Variants in LIMCH1 observed in about 807,000 individuals in gnomAD.
LIMCH1 encodes LIM and calponin homology domains-containing protein 1.
Under a neutral mutation model 176.5 loss-of-function variants are expected in LIMCH1, and 113 were observed. That is an observed-to-expected ratio of 0.64 (90% confidence interval 0.55 to 0.75). The LOEUF (loss-of-function observed/expected upper bound fraction) is 0.75, where lower values mean the gene tolerates loss of function less well. Among genes scored for constraint, LIMCH1 ranks in the 30% least tolerant of loss-of-function variants. The pLI is 0.00. For missense variants in LIMCH1, 1,674 were observed against 1,814.9 expected (o/e 0.92, Z 1.41); for synonymous variants, 619 against 645.9 (o/e 0.96, Z 0.63).
chr4:41,521,061 A>G (rs1175982988), intron 2 of LIMCH1, among the ~76,000 whole-genome samples: 2 of 151,462 alleles, frequency 1.3e-5, no homozygotes, highest in Non-Finnish European at 2.9e-5. Flanking sequence ...ACCAACAGAC[A>G]CTCTCTTCCA....
intron 1 of LIMCH1, among the ~76,000 whole-genome samples, chr4:41,544,313 G>A (rs1239984640): frequency 2.0e-5 from 3 of 152,220 alleles, no homozygotes; most frequent in Non-Finnish European, 4.4e-5. Context: ...TTCACTCTCT[G>A]TGTGTGGGTA....
chr4:41,655,185 G>A (rs557715573), intron 18 of LIMCH1, among the ~76,000 whole-genome samples: 14 of 152,020 alleles, frequency 9.2e-5, no homozygotes, highest in African/African-American at 2.7e-4. Flanking sequence ...GACCCTTTTC[G>A]AAAATAACCA....
chr4:41,540,550 C>G (rs1431838681), intron 1 of LIMCH1, among the ~76,000 whole-genome samples: 2 of 152,054 alleles, frequency 1.3e-5, no homozygotes, highest in African/African-American at 4.8e-5. Context: ...ACCAGCCTGG[C>G]CAACGTGGCG....
intron 1 of LIMCH1, among the ~76,000 whole-genome samples, chr4:41,579,159 A>G (rs1331046726): frequency 6.6e-6 from 1 of 151,854 alleles, no homozygotes; most frequent in Non-Finnish European, 1.5e-5. Context: ...TCAGAATAAG[A>G]GCTGTTATAG....
chr4:41,375,759 C>T (rs2054668275), intron 1 of LIMCH1, among the ~76,000 whole-genome samples: 1 of 152,202 alleles, frequency 6.6e-6, no homozygotes, highest in Admixed American at 6.5e-5. Flanking sequence ...CTGAGTGACC[C>T]AGATTGGCAC....
At chr4:41,538,386 A>AGGG (rs750208605) in intron 1 of LIMCH1, 36 bp downstream of exon 1, 52 of 971,016 alleles carry the variant, frequency 5.4e-5, no homozygotes, top group Non-Finnish European at 6.2e-5. Flanking sequence ...ATACATGCTT[A>AGGG]GGGGTATCCA....
intron 14 of LIMCH1, among the ~76,000 whole-genome samples, chr4:41,644,020 C>T (rs556814346): frequency 6.6e-6 from 1 of 152,270 alleles, no homozygotes; most frequent in South Asian, 2.1e-4. Flanking sequence ...ACATAGGAAG[C>T]CTTTAAGCCA....
intron 2 of LIMCH1, among the ~76,000 whole-genome samples, chr4:41,500,649 G>T (rs138529685): frequency 2.1e-4 from 32 of 152,164 alleles, no homozygotes; most frequent in East Asian, 1.5e-3. Flanking sequence ...TTCACCTTTG[G>T]CAAGGTCAGA....
intron 1 of LIMCH1, among the ~76,000 whole-genome samples, chr4:41,479,326 C>G (rs943237524): frequency 6.6e-6 from 1 of 152,186 alleles, no homozygotes; most frequent in African/African-American, 2.4e-5. Context: ...GATCACAGCT[C>G]ACTGCAGCCT....
At chr4:41,609,791 T>C (rs2091213216) in intron 4 of LIMCH1, 2 of 375,016 alleles carry the variant, frequency 5.3e-6, no homozygotes, top group Admixed American at 6.2e-5. Flanking sequence ...CAATGTTAAT[T>C]AGAGCCCAAG....
chr4:41,481,250 T>C (rs115426560), intron 1 of LIMCH1, among the ~76,000 whole-genome samples: 1,773 of 152,262 alleles, frequency 0.012, 34 homozygotes, highest in African/African-American at 0.041. Flanking sequence ...TGAATAGATA[T>C]AGGGAACTAT....
chr4:41,541,614 A>G (rs997263685), intron 1 of LIMCH1, among the ~76,000 whole-genome samples: 8 of 152,192 alleles, frequency 5.3e-5, no homozygotes, highest in African/African-American at 1.9e-4. Context: ...CTGGTAAATC[A>G]CCAATGTGAA....
chr4:41,507,347 G>A (rs2074307995), intron 2 of LIMCH1, among the ~76,000 whole-genome samples: 1 of 152,136 alleles, frequency 6.6e-6, no homozygotes, highest in Non-Finnish European at 1.5e-5. Context: ...CCTTCCTGGA[G>A]GATGGGAGTG....
intron 9 of LIMCH1, 22 bp downstream of exon 9, chr4:41,629,756 G>C (rs775522807): frequency 5.9e-6 from 9 of 1,522,222 alleles, no homozygotes; most frequent in African/African-American, 1.4e-5. Flanking sequence ...TTCCCCCCCA[G>C]TTTCCCCCTG....
rs1230781642 is a variant in LIMCH1 at position 41,419,584 on chromosome 4, T to TTCC, written c.96+58650_96+58652dup. The stretch of plus-strand genomic sequence containing the variant: ...TCCCCTTCCTTCCTTCCTTCCTTCC[T>TTCC]TCCTTCCTTCCTTCCTTCCGTCCTT... On this transcript the variant is annotated intron_variant, in intron 1 of 26. Coordinates refer to the LIMCH1 transcript ENST00000313860. Among the ~76,000 whole-genome samples, 14 of 89,642 alleles carry TTCC rather than the reference T, an allele frequency of 1.6e-4. 1 individual carries two copies. The highest frequency in any genetic ancestry group is 9.5e-4 in the African/African-American group (13 of 13,736). The allele number at this position is 89,642 out of a possible 152,430, so 58.8% of individuals were successfully genotyped here. A position where few individuals can be genotyped will look rare whatever the true frequency, so the allele number is the denominator to read the frequency against.
intron 6 of LIMCH1, chr4:41,619,663 A>G (rs2092412310): frequency 1.0e-5 from 6 of 583,022 alleles, no homozygotes; most frequent in Non-Finnish European, 1.8e-5. Context: ...GTATTCAGCA[A>G]CTACTTGTCT....
At chr4:41,396,364 T>A (rs912695836) in intron 1 of LIMCH1, among the ~76,000 whole-genome samples, 1 of 152,190 alleles carries the variant, frequency 6.6e-6, no homozygotes. Context: ...ACTAAACCTC[T>A]CTTCTTTATA....
intron 1 of LIMCH1, chr4:41,472,974 G>C (rs981403107): frequency 2.2e-6 from 2 of 923,250 alleles, no homozygotes; most frequent in Non-Finnish European, 2.6e-6. Flanking sequence ...AAATGCTGCT[G>C]TAAGCCTTTT....
chr4:41,639,049 C>G (rs183561851), intron 14 of LIMCH1, 82 bp downstream of exon 14: 2 of 1,032,110 alleles, frequency 1.9e-6, no homozygotes, highest in East Asian at 5.3e-5. Context: ...AATTGAAATG[C>G]AACTGATGCA....
Sources: allele counts gnomAD v4.1 joint callset (sites outside exome capture counted in the v4.1 genomes callset), GRCh38; gene constraint gnomAD v4.1.1; transcripts MANE v1.5; gene names NCBI Gene and HGNC (gene_info 2026-07-23, HGNC 2026-07-21).